The following JPH3 variants were observed in gnomAD, a reference collection of about 807,000 sequenced individuals.
JPH3 encodes the protein junctophilin 3.
Under a neutral mutation model 59.6 loss-of-function variants are expected in JPH3, and 11 were observed. That is an observed-to-expected ratio of 0.18 (90% CI 0.12 to 0.31). The LOEUF (loss-of-function observed/expected upper bound fraction) is 0.31, where lower values mean the gene tolerates loss of function less well. Ranked by LOEUF, JPH3 falls within the 10% of genes least tolerant of loss-of-function variation. JPH3 has a pLI of 1.00. For synonymous variants in JPH3, 673 were observed against 483.6 expected (o/e 1.39, Z -5.14); for missense variants, 1,202 against 1,105.7 (o/e 1.09, Z -1.24).
rs200986386 is a variant in JPH3 at position 87,690,363 on chromosome 16, C to T, written c.2003C>T (p.Ala668Val). The T allele has an allele frequency of 1.9e-6, 3 of 1,552,344 alleles. No individual in the cohort carries two copies. Among genetic ancestry groups the T allele is most frequent in the African/African-American group, 2.8e-5 (2 of 72,586 alleles). The change falls in exon 4 of 5, where the codon GCC (alanine) becomes GTC (valine). Residue 668 changes from alanine (A) to valine (V), a missense_variant. Coordinates refer to ENST00000284262, the MANE Select transcript of JPH3 (RefSeq NM_020655.4). ...CAGAACAAGGAGAACTTCAGGCCGG[C>T]CTCCTCCGCGGAGCCCGCCGTGCAG... ...KAQNKENFRP[A>V]SSAEPAVQKL... is the part of the protein sequence containing the mutation.
At chr16:87,633,555 G>GC (rs1271258854) in intron 1 of JPH3, among the ~76,000 whole-genome samples, 1 of 151,916 alleles carries the variant, frequency 6.6e-6, no homozygotes, top group Non-Finnish European at 1.5e-5. Flanking sequence ...TAATTCCAGT[G>GC]CTTTGGGAGG....
At chr16:87,621,145 C>T (rs1034256505) in intron 1 of JPH3, among the ~76,000 whole-genome samples, 3 of 151,072 alleles carry the variant, frequency 2.0e-5, no homozygotes, top group Admixed American at 6.6e-5. Flanking sequence ...GGCAACAGAG[C>T]GAGACTCTGT....
intron 2 of JPH3, among the ~76,000 whole-genome samples, chr16:87,677,185 TACACAC>T (rs764055221): frequency 0.032 from 3,001 of 95,100 alleles, 69 homozygotes; most frequent in Non-Finnish European, 0.041. Flanking sequence ...TATATATATA[TACACAC>T]ACACACACAC....
In JPH3 at chr16:87,603,025, C is replaced by T. The variant is rs944750404; in HGVS notation, c.-122C>T. The T allele has an allele frequency of 1.4e-4, 179 of 1,291,576 alleles. No individual in the cohort carries two copies. The highest frequency in any genetic ancestry group is 1.8e-4 in the Non-Finnish European group (175 of 950,320). The allele number at this position is 1,291,576 out of a possible 1,614,324, so 80.0% of individuals were successfully genotyped here. On this transcript the variant is annotated 5_prime_UTR_variant, in exon 1 of 5. Transcript: ENST00000284262. ...CCGCGCCCGAGACCGCGCTCCGGGG[C>T]CGCGTCCTCCTCTCCTCCGGAAAAC...
At chr16:87,616,592 CCGT>C (rs925737005) in intron 1 of JPH3, among the ~76,000 whole-genome samples, 11 of 151,932 alleles carry the variant, frequency 7.2e-5, no homozygotes, top group African/African-American at 2.7e-4. Flanking sequence ...TTTGAGATCA[CCGT>C]AGATTCCCAG....
At chr16:87,609,475 C>T (rs149026560) in intron 1 of JPH3, among the ~76,000 whole-genome samples, 9 of 152,250 alleles carry the variant, frequency 5.9e-5, no homozygotes, top group East Asian at 1.9e-4. Flanking sequence ...CCATGTTGGC[C>T]AGGCTGGTCT....
chr16:87,661,873 A>T (rs967928126), intron 2 of JPH3, among the ~76,000 whole-genome samples: 1 of 152,190 alleles, frequency 6.6e-6, no homozygotes, highest in African/African-American at 2.4e-5. Flanking sequence ...CCCCAGCAGG[A>T]AGCCTGGGGT....
At chr16:87,664,376 G>A (rs902790038) in intron 2 of JPH3, among the ~76,000 whole-genome samples, 1 of 150,776 alleles carries the variant, frequency 6.6e-6, no homozygotes, top group Non-Finnish European at 1.5e-5. Flanking sequence ...GGTGGCTCAC[G>A]CAGTTTGGGA....
intron 2 of JPH3, among the ~76,000 whole-genome samples, chr16:87,675,496 G>A (rs1308792391): frequency 2.0e-5 from 3 of 152,174 alleles, no homozygotes; most frequent in African/African-American, 2.4e-5. Context: ...CCAGGTAAGC[G>A]GGCAGATGAG....
chr16:87,615,078 G>A (rs1213319689), intron 1 of JPH3, among the ~76,000 whole-genome samples: 1 of 152,074 alleles, frequency 6.6e-6, no homozygotes, highest in Non-Finnish European at 1.5e-5. Flanking sequence ...GTGAGGAGCT[G>A]TGCGTCCCTT....
chr16:87,638,825 C>G (rs1425820636), intron 1 of JPH3, among the ~76,000 whole-genome samples: 1 of 152,164 alleles, frequency 6.6e-6, no homozygotes, highest in Non-Finnish European at 1.5e-5. Flanking sequence ...GCCCCAGTCC[C>G]CCTTCCTGAC....
intron 1 of JPH3, among the ~76,000 whole-genome samples, chr16:87,625,024 C>G (rs1481057696): frequency 2.0e-5 from 3 of 152,232 alleles, no homozygotes; most frequent in African/African-American, 7.2e-5. Context: ...GTCTCGAACT[C>G]CTGACCTCAA....
At chr16:87,663,174 T>C (rs1204801788) in intron 2 of JPH3, among the ~76,000 whole-genome samples, 1 of 150,852 alleles carries the variant, frequency 6.6e-6, no homozygotes, top group Non-Finnish European at 1.5e-5. Context: ...AGTGGCACAA[T>C]CTCGGCTCAC....
intron 2 of JPH3, chr16:87,653,781 C>T (rs1031120545): frequency 2.0e-5 from 3 of 152,090 alleles, no homozygotes; most frequent in Non-Finnish European, 4.4e-5. Flanking sequence ...CTTCTGGAGT[C>T]GAGTGGGACT....
chr16:87,637,296 T>C (rs764257392), intron 1 of JPH3, among the ~76,000 whole-genome samples: 1 of 152,138 alleles, frequency 6.6e-6, no homozygotes, highest in Non-Finnish European at 1.5e-5. Context: ...CAGGCCACTT[T>C]CATCACCCCA....
At chr16:87,682,130 G>A (rs1484813578) in intron 2 of JPH3, among the ~76,000 whole-genome samples, 2 of 152,198 alleles carry the variant, frequency 1.3e-5, no homozygotes, top group East Asian at 3.8e-4. Context: ...TTGGAGCCCT[G>A]GTGGGGCATT....
At chr16:87,658,593 C>T (rs552267716) in intron 2 of JPH3, among the ~76,000 whole-genome samples, 1 of 152,170 alleles carries the variant, frequency 6.6e-6, no homozygotes, top group Non-Finnish European at 1.5e-5. Flanking sequence ...CCTGTGAATT[C>T]CTGAAACAGA....
At chr16:87,686,772 C>T (rs1002158657) in intron 3 of JPH3, among the ~76,000 whole-genome samples, 6 of 152,196 alleles carry the variant, frequency 3.9e-5, no homozygotes, top group Admixed American at 6.5e-5. Context: ...TTGGGCTGAC[C>T]TTTTAAGTCC....
At chr16:87,609,597 G>C (rs957405144) in intron 1 of JPH3, among the ~76,000 whole-genome samples, 1 of 152,180 alleles carries the variant, frequency 6.6e-6, no homozygotes, top group Non-Finnish European at 1.5e-5. Context: ...TATAGAAGTT[G>C]CTCTGAAGTC....
Sources: allele counts gnomAD v4.1 joint callset (sites outside exome capture counted in the v4.1 genomes callset), GRCh38; gene constraint gnomAD v4.1.1; transcripts MANE v1.5; gene names NCBI Gene and HGNC (gene_info 2026-07-23, HGNC 2026-07-21).